Variants in RAB3C observed in about 807,000 individuals in gnomAD.
RAB3C encodes ras-related protein Rab-3C.
A neutral mutation model predicts 26.4 loss-of-function variants in RAB3C; 17 were observed. The observed-to-expected ratio is 0.64, with a 90% CI of 0.44 to 0.97. The LOEUF is 0.97. Among genes scored for constraint, RAB3C ranks in the 50% least tolerant of loss-of-function variants. RAB3C has a pLI of 0.00. For synonymous variants in RAB3C, 91 were observed against 95.9 expected (o/e 0.95, Z 0.30); for missense variants, 242 against 281.9 (o/e 0.86, Z 1.01).
At chr5:58,704,148 T>C (rs1748900840) in intron 2 of RAB3C, among the ~76,000 whole-genome samples, 1 of 152,236 alleles carries the variant, frequency 6.6e-6, no homozygotes, top group South Asian at 2.1e-4. Flanking sequence ...TTTAAGCCAC[T>C]ATTTCATCAC....
At chr5:58,814,557 T>A (rs960194160) in intron 3 of RAB3C, 7 of 152,126 alleles carry the variant, frequency 4.6e-5, no homozygotes, top group African/African-American at 1.7e-4. Context: ...ACAATATAAA[T>A]CTTGTCTAAT....
chr5:58,651,801 T>C (rs544787627), intron 2 of RAB3C, among the ~76,000 whole-genome samples: 24 of 152,144 alleles, frequency 1.6e-4, no homozygotes, highest in Non-Finnish European at 3.4e-4. Context: ...CCCATCCCTA[T>C]ACCAAAATTG....
intron 4 of RAB3C, among the ~76,000 whole-genome samples, chr5:58,849,489 A>C (rs930974774): frequency 6.6e-6 from 1 of 152,190 alleles, no homozygotes; most frequent in African/African-American, 2.4e-5. Flanking sequence ...AGACTGCACA[A>C]ACATTATAAA....
chr5:58,685,207 G>A (rs1408834245), intron 2 of RAB3C, among the ~76,000 whole-genome samples: 2 of 152,038 alleles, frequency 1.3e-5, no homozygotes, highest in Non-Finnish European at 2.9e-5. Flanking sequence ...GGGAGTCTTG[G>A]AACATATTTC....
chr5:58,664,540 G>C (rs930334261), intron 2 of RAB3C, among the ~76,000 whole-genome samples: 12 of 152,054 alleles, frequency 7.9e-5, no homozygotes, highest in African/African-American at 2.7e-4. Context: ...GAGGGTGATG[G>C]GAATGCTCTG....
chr5:58,769,643 C>T (rs2111986533), intron 3 of RAB3C, among the ~76,000 whole-genome samples: 1 of 152,294 alleles, frequency 6.6e-6, no homozygotes, highest in South Asian at 2.1e-4. Context: ...TTGGACTTTT[C>T]ATGTCTTTCT....
chr5:58,797,137 T>C (rs1742674186), intron 3 of RAB3C, among the ~76,000 whole-genome samples: 1 of 151,796 alleles, frequency 6.6e-6, no homozygotes, highest in Non-Finnish European at 1.5e-5. Context: ...AAGCTAAATA[T>C]TGTTTCTTCT....
chr5:58,637,545 A>T (rs1423395891), intron 2 of RAB3C, among the ~76,000 whole-genome samples: 2 of 152,178 alleles, frequency 1.3e-5, no homozygotes, highest in African/African-American at 4.8e-5. Flanking sequence ...TGGATATACT[A>T]TAAGTTCCAA....
At chr5:58,782,954 C>A (rs1199820717) in intron 3 of RAB3C, among the ~76,000 whole-genome samples, 2 of 151,198 alleles carry the variant, frequency 1.3e-5, no homozygotes, top group Non-Finnish European at 1.5e-5. Flanking sequence ...TTTTTAATTG[C>A]TTCTATTCTT....
chr5:58,800,335 A>G (rs1380592692), intron 3 of RAB3C, among the ~76,000 whole-genome samples: 1 of 152,262 alleles, frequency 6.6e-6, no homozygotes, highest in South Asian at 2.1e-4. Context: ...TTTTTTTGGA[A>G]AGTGATTTAG....
At chr5:58,688,558 C>G (rs1398301992) in intron 2 of RAB3C, among the ~76,000 whole-genome samples, 1 of 152,108 alleles carries the variant, frequency 6.6e-6, no homozygotes, top group African/African-American at 2.4e-5. Flanking sequence ...ACAATCTGCT[C>G]AAAAGGTTTA....
At chr5:58,795,988 C>A (rs1271387529) in intron 3 of RAB3C, among the ~76,000 whole-genome samples, 2 of 152,166 alleles carry the variant, frequency 1.3e-5, no homozygotes, top group Non-Finnish European at 2.9e-5. Flanking sequence ...AGGACAACTG[C>A]AAATTACTAG....
At chr5:58,582,603 G>T (rs1244121655), upstream of RAB3C, among the ~76,000 whole-genome samples, 1 of 152,142 alleles carries the variant, frequency 6.6e-6, no homozygotes, top group Admixed American at 6.5e-5. Flanking sequence ...GAATGAGATT[G>T]TAAAACTGCC....
intron 3 of RAB3C, among the ~76,000 whole-genome samples, chr5:58,785,256 C>G (rs774402483): frequency 1.3e-5 from 2 of 152,182 alleles, no homozygotes; most frequent in Non-Finnish European, 2.9e-5. Context: ...GTCCCACCCC[C>G]CATAAAATCT....
At chr5:58,629,396 A>G (rs1331492791) in intron 2 of RAB3C, among the ~76,000 whole-genome samples, 3 of 152,224 alleles carry the variant, frequency 2.0e-5, no homozygotes, top group African/African-American at 4.8e-5. Context: ...TTAAAGCACC[A>G]GACATTTATG....
intron 4 of RAB3C, among the ~76,000 whole-genome samples, chr5:58,844,933 G>A (rs545091520): frequency 1.3e-5 from 2 of 152,260 alleles, no homozygotes; most frequent in South Asian, 2.1e-4. Context: ...AAAACAAATG[G>A]CATTTCACAA....
At chr5:58,772,525 C>T (rs1189649306) in intron 3 of RAB3C, among the ~76,000 whole-genome samples, 2 of 152,148 alleles carry the variant, frequency 1.3e-5, no homozygotes, top group Non-Finnish European at 2.9e-5. Flanking sequence ...CAGAGGTGGA[C>T]AGCCTTAGCC....
At chr5:58,732,749 T>G (rs1741054731) in intron 3 of RAB3C, among the ~76,000 whole-genome samples, 1 of 152,216 alleles carries the variant, frequency 6.6e-6, no homozygotes, top group Non-Finnish European at 1.5e-5. Context: ...AGTTATGCTC[T>G]CTGAGGAAGA....
chr5:58,721,629 TC>T (rs1190059335), intron 2 of RAB3C, among the ~76,000 whole-genome samples: 1 of 151,902 alleles, frequency 6.6e-6, no homozygotes, highest in Non-Finnish European at 1.5e-5. Flanking sequence ...TTTTCCCACT[TC>T]CTTTTCTTCC....
Sources: allele counts gnomAD v4.1 joint callset (sites outside exome capture counted in the v4.1 genomes callset), GRCh38; gene constraint gnomAD v4.1.1; transcripts MANE v1.5; gene names NCBI Gene and HGNC (gene_info 2026-07-23, HGNC 2026-07-21).